SELENOO: variants seen among roughly 807,000 people sequenced by gnomAD.
The protein encoded by SELENOO is protein adenylyltransferase SelO, mitochondrial.
SELENOO carries 74 observed loss-of-function variants against 58.7 expected under a neutral mutation model. The ratio of observed to expected loss-of-function variants is 1.26; its 90% confidence interval spans 1.04 to 1.53. The LOEUF is 1.53. SELENOO is among the 40% of genes most tolerant of loss of function. The pLI is 0.00. For missense variants in SELENOO, 1,149 were observed against 970.0 expected, an observed-to-expected ratio of 1.18 and a Z score of -2.45; for synonymous variants, 543 against 453.2, an observed-to-expected ratio of 1.20 and a Z score of -2.52.
At chr22:50,216,531 C>T (rs2064413007) in intron 6 of SELENOO, among the ~76,000 whole-genome samples, 160 bp from the exon 7 acceptor site, 1 of 152,238 alleles carries the variant, frequency 6.6e-6, no homozygotes. Flanking sequence ...CACTGGGGTC[C>T]ATCCCTGCCA....
rs541357724 is a variant in SELENOO, at chr22:50,210,474, C to G, written c.1071-157C>G. On this transcript the variant is annotated intron_variant, in intron 4 of 8. Transcript: ENST00000380903. ...GAGAGTCCAGGGCAATCCCGGAGGC[C>G]TTGGCCAGGGGCTGGTGAGACAGGA... 1.4e-3 allele frequency among the ~76,000 whole-genome samples: 218 copies of G among 152,262 alleles called. 1 individual carries two copies. The highest frequency in any genetic ancestry group is 4.8e-3 in the African/African-American group (198 of 41,564).
At position 50,208,611 on chromosome 22, in the gene SELENOO, C is replaced by A. The variant is rs1300662324; in HGVS notation, c.834C>A (p.Asp278Glu). ...CAGGCCCCAGCGTGGGGAGGAACGA[C>A]ATTCGAGTGCAGCTGCTCGACTATG... ...GRAGPSVGRNDIRVQLLDYVI... is the reference protein window; with the variant it reads ...GRAGPSVGRNEIRVQLLDYVI... The change falls in exon 3 of 9, where the codon GAC (aspartate) becomes GAA (glutamate). Residue 278 changes from aspartate (D) to glutamate (E), a missense_variant. Coordinates refer to ENST00000380903, the MANE Select transcript of SELENOO (RefSeq NM_031454.2). 6.2e-7 allele frequency: 1 copy of A among 1,613,858 alleles called. No homozygotes were observed. Among genetic ancestry groups the A allele is most frequent in the African/African-American group, 1.3e-5 (1 of 74,930 alleles).
Position 50,217,509 on chromosome 22 carries a change from G to T in SELENOO, c.*140G>T. On this transcript the variant is annotated 3_prime_UTR_variant, in exon 9 of 9. Coordinates refer to ENST00000380903, the MANE Select transcript of SELENOO (RefSeq NM_031454.2). ...ACACCCGTCTTTCCATGATGGCAGA[G>T]ACATCCAGTCAGGACCTGACCCGTC... 8.6e-7 allele frequency: 1 copy of T among 1,167,722 alleles called. No homozygotes were observed. Among genetic ancestry groups the T allele is most frequent in the Admixed American group, 2.7e-5 (1 of 37,032 alleles). 72.3% of individuals were successfully genotyped at this position (1,167,722 alleles called of 1,614,324 possible).
chr22:50,208,986 G>T (rs1360256373), intron 3 of SELENOO, among the ~76,000 whole-genome samples: 2 of 152,174 alleles, frequency 1.3e-5, no homozygotes, highest in African/African-American at 4.8e-5. Context: ...GGGGTGCGGG[G>T]TGGGAGCTGG....
chr22:50,201,435 C>T lies in SELENOO; in HGVS notation c.399C>T (p.Ala133=). The change falls in exon 1 of 9, where the codon GCC becomes GCT. Residue 133 remains alanine, a synonymous_variant. Coordinates refer to ENST00000380903, the MANE Select transcript of SELENOO (RefSeq NM_031454.2). The part of the protein sequence containing the change: ...FFSGNALLPG[A]EPAAHCYCGH... ...GCGGCAACGCGCTCCTGCCGGGCGC[C>T]GAGCCCGCCGCGCACTGCTACTGCG... 1.5e-6 allele frequency: 2 copies of T among 1,378,136 alleles called. No individual in the cohort carries two copies. Among genetic ancestry groups the T allele is most frequent in the Non-Finnish European group, 1.9e-6 (2 of 1,060,624 alleles). The allele number at this position is 1,378,136 out of a possible 1,614,324, so 85.4% of individuals were successfully genotyped here. A position where few individuals can be genotyped will look rare whatever the true frequency, so the allele number is the denominator to read the frequency against.
intron 3 of SELENOO, 86 bp from the exon 4 acceptor site, chr22:50,210,095 C>A: frequency 6.6e-7 from 1 of 1,508,266 alleles, no homozygotes; most frequent in Non-Finnish European, 9.0e-7. Flanking sequence ...GAAGCACAGC[C>A]GGTTTCAGGG....
At chr22:50,202,344 C>T (rs1430995611) in intron 1 of SELENOO, among the ~76,000 whole-genome samples, 1 of 152,124 alleles carries the variant, frequency 6.6e-6, no homozygotes, top group Non-Finnish European at 1.5e-5. Context: ...TTCCCCGGGG[C>T]TCCATCTCCC....
chr22:50,201,423 C>A lies in SELENOO; in HGVS notation c.387C>A (p.Leu129=). Residue 129 remains leucine (L), a synonymous_variant, in exon 1 of 9, where the codon CTC becomes CTA. Coordinates refer to ENST00000380903, the MANE Select transcript of SELENOO (RefSeq NM_031454.2). ...CGCTGTTCTTCAGCGGCAACGCGCTCCTGCCGGGCGCCGAGCCCGCCGCGC... is the reference window on the plus strand; with the variant it reads ...CGCTGTTCTTCAGCGGCAACGCGCTACTGCCGGGCGCCGAGCCCGCCGCGC... The part of the protein sequence containing the change: ...EAALFFSGNA[L]LPGAEPAAHC... The A allele has an allele frequency of 7.3e-7, 1 of 1,362,114 alleles. No individual in the cohort carries two copies. The highest frequency in any genetic ancestry group is 1.6e-5 in the South Asian group (1 of 63,196). 84.4% of individuals were successfully genotyped at this position (1,362,114 alleles called of 1,614,324 possible).
chr22:50,206,537 T>C lies in SELENOO; in HGVS notation c.758+17T>C, dbSNP rs749814251. 1.2e-6 allele frequency: 2 copies of C among 1,603,626 alleles called. No homozygotes were observed. The highest frequency in any genetic ancestry group is 1.7e-5 in the Admixed American group (1 of 58,664). On this transcript the variant is annotated intron_variant, in intron 2 of 8. Transcript: ENST00000380903. ...TTTCATAAGGTAATGCCGGGGGCCT[T>C]TCGGCCTGTCTACACGCACTTGCTT...
chr22:50,202,458 C>T (rs1031695447), intron 1 of SELENOO, among the ~76,000 whole-genome samples: 1 of 152,164 alleles, frequency 6.6e-6, no homozygotes, highest in African/African-American at 2.4e-5. Context: ...TCCCCACCCC[C>T]AGCGACCTGC....
At position 50,217,445 on chromosome 22, in the gene SELENOO, G is replaced by A. The variant is rs1404076777; in HGVS notation, c.*76G>A. The A allele has an allele frequency of 1.3e-6, 2 of 1,538,888 alleles. No homozygotes were observed. The highest frequency in any genetic ancestry group is 1.8e-6 in the Non-Finnish European group (2 of 1,134,176). On this transcript the variant is annotated 3_prime_UTR_variant, in exon 9 of 9. Coordinates refer to ENST00000380903, the MANE Select transcript of SELENOO (RefSeq NM_031454.2). ...TGCTGAGTGGCCAAGATGATGCCAG[G>A]CTGCCCTATACACTGGGGGATTCTG...
intron 2 of SELENOO, among the ~76,000 whole-genome samples, chr22:50,207,339 G>A (rs2064339477): frequency 6.6e-6 from 1 of 152,066 alleles, no homozygotes. Context: ...GGCCAGGCTG[G>A]TCTCGAACTC....
At position 50,210,845 on chromosome 22, in the gene SELENOO, G is replaced by T. The variant is rs200939056; in HGVS notation, c.1285G>T (p.Val429Leu). The T allele has an allele frequency of 6.2e-7, 1 of 1,614,142 alleles. No individual in the cohort carries two copies. Among genetic ancestry groups the T allele is most frequent in the Non-Finnish European group, 8.5e-7 (1 of 1,180,040 alleles). Residue 429 changes from valine (V) to leucine (L), a missense_variant, in exon 5 of 9, where the codon GTG becomes TTG. Val to Leu is a conservative substitution (Grantham distance 32). Transcript: ENST00000380903. ...LQKMRRKLGL[V>L]QVELEEDGAL... is the part of the protein sequence containing the mutation. Reference sequence around the variant, plus strand: ...GAAGATGCGCAGGAAGCTGGGCCTCGTGCAGGTGGAGCTGGAGGAAGACGG... The same window carrying T: ...GAAGATGCGCAGGAAGCTGGGCCTCTTGCAGGTGGAGCTGGAGGAAGACGG...
rs568612772 is a variant in SELENOO, at chr22:50,210,859, G to T, written c.1299G>T (p.Leu433=). The change falls in exon 5 of 9, where the codon CTG becomes CTT. Residue 433 remains leucine, a synonymous_variant. Transcript: ENST00000380903. The part of the protein sequence containing the change: ...RRKLGLVQVE[L]EEDGALVSKL... The stretch of plus-strand genomic sequence containing the variant: ...AGCTGGGCCTCGTGCAGGTGGAGCT[G>T]GAGGAAGACGGGGCGCTGGTGTCCA... 2.8e-5 allele frequency: 46 copies of T among 1,614,158 alleles called. No homozygotes were observed. The highest frequency in any genetic ancestry group is 1.7e-5 in the Non-Finnish European group (20 of 1,180,038).
At chr22:50,207,281 G>A (rs1460322686) in intron 2 of SELENOO, among the ~76,000 whole-genome samples, 5 of 151,962 alleles carry the variant, frequency 3.3e-5, no homozygotes, top group Admixed American at 6.6e-5. Flanking sequence ...GCGCCACCAC[G>A]TCCAGCTAAT....
Position 50,201,433 on chromosome 22 carries a change from G to A in SELENOO, c.397G>A (p.Ala133Thr), listed in dbSNP as rs1242539325. 7.3e-7 allele frequency: 1 copy of A among 1,376,394 alleles called. No individual in the cohort carries two copies. The highest frequency in any genetic ancestry group is 9.4e-7 in the Non-Finnish European group (1 of 1,059,622). The allele number at this position is 1,376,394 out of a possible 1,614,324, so 85.3% of individuals were successfully genotyped here. A position where few individuals can be genotyped will look rare whatever the true frequency, so the allele number is the denominator to read the frequency against. ...FFSGNALLPG[A>T]EPAAHCYCGH... ...CAGCGGCAACGCGCTCCTGCCGGGC[G>A]CCGAGCCCGCCGCGCACTGCTACTG... Residue 133 changes from alanine to threonine, a missense_variant, in exon 1 of 9, where the codon GCC becomes ACC. Coordinates refer to ENST00000380903, the MANE Select transcript of SELENOO (RefSeq NM_031454.2).
At chr22:50,215,558 C>T (rs146520157) in intron 5 of SELENOO, among the ~76,000 whole-genome samples, 159 bp from the exon 6 acceptor site, 13 of 137,710 alleles carry the variant, frequency 9.4e-5, no homozygotes, top group African/African-American at 3.0e-4. Flanking sequence ...GGTCAGGGAG[C>T]GTGTGGATCC....
In SELENOO at chr22:50,201,340, G is replaced by C; in HGVS notation, c.304G>C (p.Ala102Pro). The change falls in exon 1 of 9, where the codon GCG becomes CCG. Residue 102 changes from alanine (A) to proline (P), a missense_variant. By Grantham distance (27) the Ala-to-Pro change is conservative (BLOSUM62 -1). Coordinates refer to ENST00000380903, the MANE Select transcript of SELENOO (RefSeq NM_031454.2). Reference sequence around the variant, plus strand: ...GCGCCTCGTGGCGCTGTCAGAGCCCGCGCTGGCGTTGCTGGGCCTGGGCGC... The same window carrying C: ...GCGCCTCGTGGCGCTGTCAGAGCCCCCGCTGGCGTTGCTGGGCCTGGGCGC... ...QPRLVALSEP[A>P]LALLGLGAPP... 2 of 1,169,118 alleles carry C rather than the reference G, an allele frequency of 1.7e-6. No homozygotes were observed. The highest frequency in any genetic ancestry group is 4.0e-5 in the South Asian group (1 of 24,770). The allele number at this position is 1,169,118 out of a possible 1,614,324, so 72.4% of individuals were successfully genotyped here.
chr22:50,210,251 C>T lies in SELENOO; in HGVS notation c.1010C>T (p.Thr337Ile), dbSNP rs753655746. 13 of 1,613,506 alleles carry T rather than the reference C, an allele frequency of 8.1e-6. No homozygotes were observed. The highest frequency in any genetic ancestry group is 1.1e-5 in the South Asian group (1 of 91,086). Residue 337 changes from threonine (T) to isoleucine (I), a missense_variant, in exon 4 of 9, where the codon ACC becomes ATC. Coordinates refer to ENST00000380903, the MANE Select transcript of SELENOO (RefSeq NM_031454.2). Reference sequence around the variant, plus strand: ...GGCTTCTGCCACGGCGTGCTCAACACCGACAACATGAGCATCCTGGGGCTC... The same window carrying T: ...GGCTTCTGCCACGGCGTGCTCAACATCGACAACATGAGCATCCTGGGGCTC... ...CVGFCHGVLN[T>I]DNMSILGLTI...
Sources: allele counts gnomAD v4.1 joint callset (sites outside exome capture counted in the v4.1 genomes callset), GRCh38; gene constraint gnomAD v4.1.1; transcripts MANE v1.5; gene names NCBI Gene and HGNC (gene_info 2026-07-23, HGNC 2026-07-21).